MC2R: variants seen among roughly 807,000 people sequenced by gnomAD.
The protein encoded by MC2R is melanocortin 2 receptor, also known as adrenocorticotropic hormone receptor.
Under a neutral mutation model 9.8 loss-of-function variants are expected in MC2R, and 9 were observed. The ratio of observed to expected loss-of-function variants is 0.92; its 90% confidence interval spans 0.55 to 1.60. The LOEUF (loss-of-function observed/expected upper bound fraction) is 1.60, where lower values mean the gene tolerates loss of function less well. MC2R is among the 40% of genes most tolerant of loss of function. The probability of loss-of-function intolerance (pLI) is 0.00; values close to 1 mark genes in which losing one functional copy is unlikely to be tolerated. For missense variants in MC2R, 370 were observed against 389.0 expected (o/e 0.95, Z 0.41); for synonymous variants, 185 against 154.7 (o/e 1.20, Z -1.45).
At chr18:13,905,349 C>T (rs370567762) in intron 1 of MC2R, among the ~76,000 whole-genome samples, 47 of 151,226 alleles carry the variant, frequency 3.1e-4, no homozygotes, top group African/African-American at 1.0e-3. Flanking sequence ...AGCTGGGCTT[C>T]GTGGCGTGTG....
chr18:13,896,979 G>T lies in MC2R; in HGVS notation c.-128-11333C>A, dbSNP rs376594184. Among the ~76,000 whole-genome samples, 41 of 152,214 alleles carry T rather than the reference G, an allele frequency of 2.7e-4. 1 individual carries two copies. The East Asian group carries it at 6.9e-3, about 26-fold the overall frequency. ...ACAGAACAGAATGCCAGAATAGAAG[G>T]CTCCACTGATTGTCCCCCTGCAAGG... On this transcript the variant is annotated intron_variant, in intron 1 of 1. Coordinates refer to ENST00000327606, the MANE Select transcript of MC2R (RefSeq NM_000529.2).
intron 1 of MC2R, among the ~76,000 whole-genome samples, chr18:13,887,992 C>A (rs556615618): frequency 1.3e-5 from 2 of 152,292 alleles, no homozygotes; most frequent in African/African-American, 4.8e-5. Context: ...ACACCTGTGG[C>A]CAGCATGGGC....
Position 13,883,619 on chromosome 18 carries a change from ACACACACACTCTCTCTCTCT to A in MC2R, c.*986_*1005del, listed in dbSNP as rs1201880059. 8 of 76,332 alleles carry A rather than the reference ACACACACACTCTCTCTCTCT, an allele frequency of 1.0e-4. No individual in the cohort carries two copies. Among genetic ancestry groups the A allele is most frequent in the African/African-American group, 3.6e-4 (7 of 19,526 alleles). 4.7% of individuals were successfully genotyped at this position (76,332 alleles called of 1,614,324 possible). ...CACACACACACACACACACACACAC[ACACACACACTCTCTCTCTCT>A]CTCTCTCTCTCTCTCTCTGTCTGTC... On this transcript the variant is annotated 3_prime_UTR_variant, in exon 2 of 2. Coordinates refer to ENST00000327606, the MANE Select transcript of MC2R (RefSeq NM_000529.2).
intron 1 of MC2R, among the ~76,000 whole-genome samples, chr18:13,909,674 C>A (rs2045433512): frequency 6.6e-6 from 1 of 152,148 alleles, no homozygotes. Flanking sequence ...ATTGTTCCAA[C>A]TTTGGCCACT....
rs2045242842 is a variant in MC2R, at chr18:13,883,019, A to G, written c.*1606T>C. Reference sequence around the variant, plus strand: ...CCTGCCACTGTCCTCACTTGACTCCAGCTGCCTTGCCTCCTTTGCTTCTGA... The same window carrying G: ...CCTGCCACTGTCCTCACTTGACTCCGGCTGCCTTGCCTCCTTTGCTTCTGA... On this transcript the variant is annotated 3_prime_UTR_variant, in exon 2 of 2. Coordinates refer to ENST00000327606, the MANE Select transcript of MC2R (RefSeq NM_000529.2). 3 of 152,318 alleles carry G rather than the reference A, an allele frequency of 2.0e-5. No individual in the cohort carries two copies. The highest frequency in any genetic ancestry group is 7.2e-5 in the African/African-American group (3 of 41,448). The allele number at this position is 152,318 out of a possible 1,614,324, so 9.4% of individuals were successfully genotyped here.
In MC2R at chr18:13,884,697, G is replaced by A. The variant is rs370490302; in HGVS notation, c.822C>T (p.Phe274=). 1.9e-6 allele frequency: 3 copies of A among 1,614,156 alleles called. No homozygotes were observed. The highest frequency in any genetic ancestry group is 2.5e-6 in the Non-Finnish European group (3 of 1,180,024). ...GCTCTGGGCTCCGGAAGGCATATAT[G>A]AAGGGGTCAATGACGGCATTGCACA... The part of the protein sequence containing the change: ...LIMCNAVIDP[F]IYAFRSPELR... Residue 274 remains phenylalanine (F), a synonymous_variant, in exon 2 of 2, where the codon TTC becomes TTT. Transcript: ENST00000327606.
At chr18:13,911,963 T>G (rs2045447204) in intron 1 of MC2R, among the ~76,000 whole-genome samples, 1 of 152,118 alleles carries the variant, frequency 6.6e-6, no homozygotes, top group Non-Finnish European at 1.5e-5. Flanking sequence ...GAGCCTTTGG[T>G]CACTTGCAAA....
intron 1 of MC2R, among the ~76,000 whole-genome samples, chr18:13,887,085 A>C (rs566623589): frequency 6.6e-6 from 1 of 152,388 alleles, no homozygotes; most frequent in African/African-American, 2.4e-5. Context: ...AGTCCTGGGC[A>C]GACAGGGATG....
rs142299797 is a variant in MC2R at position 13,884,996 on chromosome 18, C to T, written c.523G>A (p.Val175Met). 12 of 1,614,040 alleles carry T rather than the reference C, an allele frequency of 7.4e-6. No homozygotes were observed. The African/African-American group carries it at 1.6e-4, about 22-fold the overall frequency. The change falls in exon 2 of 2, where the codon GTG (valine) becomes ATG (methionine). Residue 175 changes from valine (V) to methionine (M), a missense_variant. Transcript: ENST00000327606. ...GGGAACAGCGACGTGAAGGTGATCA[C>T]TGTGGGCACATGATGGGAGAAGATC... Reference protein sequence around the residue: ...MVIFSHHVPTVITFTSLFPLM... With the variant: ...MVIFSHHVPTMITFTSLFPLM...
rs947985535 is a variant in MC2R, at chr18:13,883,516, C to A, written c.*1109G>T. The A allele has an allele frequency of 6.6e-5, 10 of 150,756 alleles. No homozygotes were observed. The highest frequency in any genetic ancestry group is 2.4e-4 in the African/African-American group (10 of 41,034). 9.3% of individuals were successfully genotyped at this position (150,756 alleles called of 1,614,324 possible). A position where few individuals can be genotyped will look rare whatever the true frequency, so the allele number is the denominator to read the frequency against. On this transcript the variant is annotated 3_prime_UTR_variant, in exon 2 of 2. Coordinates refer to ENST00000327606, the MANE Select transcript of MC2R (RefSeq NM_000529.2). ...TGACTTGGGGCTATAATAACAGCAC[C>A]ATTGCTTGATGTCTTGCTTTGGTTT...
intron 1 of MC2R, among the ~76,000 whole-genome samples, chr18:13,898,076 G>A (rs2045357166): frequency 6.6e-6 from 1 of 151,978 alleles, no homozygotes; most frequent in African/African-American, 2.4e-5. Context: ...GGCTCTTGGG[G>A]TCCCCGATTC....
intron 1 of MC2R, among the ~76,000 whole-genome samples, chr18:13,893,800 T>G (rs1384738908): frequency 6.6e-6 from 1 of 152,244 alleles, no homozygotes; most frequent in Non-Finnish European, 1.5e-5. Flanking sequence ...TGAAGATGAA[T>G]CACTGACGTG....
At chr18:13,912,771 TAA>T (rs2045452105) in intron 1 of MC2R, among the ~76,000 whole-genome samples, 1 of 152,224 alleles carries the variant, frequency 6.6e-6, no homozygotes, top group Non-Finnish European at 1.5e-5. Context: ...TACAGAGTTA[TAA>T]GTTACGCTTA....
intron 1 of MC2R, among the ~76,000 whole-genome samples, chr18:13,887,704 G>A (rs367594039): frequency 4.8e-4 from 73 of 152,146 alleles, no homozygotes; most frequent in African/African-American, 1.7e-3. Flanking sequence ...CGACGACCTG[G>A]GGGGCTCCTC....
chr18:13,888,331 G>C (rs915321303), intron 1 of MC2R, among the ~76,000 whole-genome samples: 1 of 152,206 alleles, frequency 6.6e-6, no homozygotes, highest in Non-Finnish European at 1.5e-5. Context: ...ATGCTGCCAA[G>C]CTGGTGGTGG....
At chr18:13,915,061 G>A (rs1421357687) in intron 1 of MC2R, among the ~76,000 whole-genome samples, 5 of 152,174 alleles carry the variant, frequency 3.3e-5, no homozygotes, top group Non-Finnish European at 5.9e-5. Flanking sequence ...GGAAGCTGCC[G>A]CATGCCCACG....
rs1405020891 is a variant in MC2R at position 13,882,518 on chromosome 18, G to A, written c.*2107C>T. 1 of 152,216 alleles carries A rather than the reference G, an allele frequency of 6.6e-6. No homozygotes were observed. The highest frequency in any genetic ancestry group is 1.5e-5 in the Non-Finnish European group (1 of 68,050). The allele number at this position is 152,216 out of a possible 1,614,324, so 9.4% of individuals were successfully genotyped here. A position where few individuals can be genotyped will look rare whatever the true frequency, so the allele number is the denominator to read the frequency against. On this transcript the variant is annotated 3_prime_UTR_variant, in exon 2 of 2. Coordinates refer to ENST00000327606, the MANE Select transcript of MC2R (RefSeq NM_000529.2). ...CAAATCAAAGGCAGTGAGAGGTGAA[G>A]TTTCTTGGTGATTTTCCTTCTGACA...
chr18:13,882,415 A>G lies in MC2R; in HGVS notation c.*2210T>C, dbSNP rs2045237921. 6.6e-6 allele frequency: 1 copy of G among 152,252 alleles called. No homozygotes were observed. The highest frequency in any genetic ancestry group is 6.5e-5 in the Admixed American group (1 of 15,288). 9.4% of individuals were successfully genotyped at this position (152,252 alleles called of 1,614,324 possible). On this transcript the variant is annotated 3_prime_UTR_variant, in exon 2 of 2. Transcript: ENST00000327606. ...ATGTCTGGAATTGCAAGTTCTCTGA[A>G]TTAGCACTCAGACTTCATTTTTGTT...
At chr18:13,896,365 T>G (rs773258074) in intron 1 of MC2R, among the ~76,000 whole-genome samples, 3 of 152,138 alleles carry the variant, frequency 2.0e-5, no homozygotes, top group Non-Finnish European at 4.4e-5. Flanking sequence ...AGGAAAAATA[T>G]AAGAGAATTG....
Sources: gnomAD v4.1 joint callset for allele counts (sites outside exome capture counted in the v4.1 genomes callset) on GRCh38, gnomAD v4.1.1 for gene constraint, MANE v1.5 for transcripts, NCBI Gene and HGNC (gene_info 2026-07-23, HGNC 2026-07-21) for gene names.